Variants in BMX observed in about 807,000 individuals in gnomAD.
The protein encoded by BMX is BMX non-receptor tyrosine kinase, also known as cytoplasmic tyrosine-protein kinase BMX.
In BMX, 31 loss-of-function variants were observed where a neutral mutation model predicts 59.2. The ratio of observed to expected loss-of-function variants is 0.52; its 90% confidence interval spans 0.39 to 0.71. The LOEUF (loss-of-function observed/expected upper bound fraction) is 0.71, where lower values mean the gene tolerates loss of function less well. Among genes scored for constraint, BMX ranks in the 30% least tolerant of loss-of-function variants. BMX has a pLI of 0.00. For missense variants in BMX, 474 were observed against 491.7 expected (o/e 0.96, Z 0.34); for synonymous variants, 185 against 181.0 (o/e 1.02, Z -0.18).
chrX:15,510,545 A>G (rs1427847789), intron 3 of BMX, among the ~76,000 whole-genome samples: 1 of 110,897 alleles, frequency 9.0e-6, no homozygotes, highest in East Asian at 2.8e-4. Flanking sequence ...AAATTACCCA[A>G]TTGGGGGAAA....
At chrX:15,542,267 C>A in intron 15 of BMX, 69 bp downstream of exon 15, 2 of 1,038,996 alleles carry the variant, frequency 1.9e-6, no homozygotes, top group Admixed American at 2.2e-5. Flanking sequence ...GAGATGGGGT[C>A]ACTGGTAGGG....
At chrX:15,545,635 C>T (rs1569230477) in intron 16 of BMX, among the ~76,000 whole-genome samples, 1 of 111,968 alleles carries the variant, frequency 8.9e-6, no homozygotes, top group East Asian at 2.8e-4. Flanking sequence ...GAGATCATAT[C>T]AGGAAGCTGT....
At chrX:15,535,494 G>A (rs1405219050) in intron 12 of BMX, among the ~76,000 whole-genome samples, 2 of 111,881 alleles carry the variant, frequency 1.8e-5, no homozygotes, top group East Asian at 5.6e-4. Flanking sequence ...ATTGCACAAA[G>A]AGATGCACAG....
chrX:15,509,613 G>GAGGGA (rs1923872589), intron 3 of BMX, among the ~76,000 whole-genome samples, 180 bp downstream of exon 3: 1 of 111,073 alleles, frequency 9.0e-6, no homozygotes, highest in African/African-American at 3.3e-5. Flanking sequence ...GCCTTCCCTG[G>GAGGGA]AGGGAAGGGA....
chrX:15,502,958 C>T (rs927975475), intron 1 of BMX, among the ~76,000 whole-genome samples: 10 of 111,498 alleles, frequency 9.0e-5, no homozygotes, highest in African/African-American at 3.3e-4. Flanking sequence ...GCCCTCCCAC[C>T]ACATGTATTA....
chrX:15,538,133 T>C (rs1457501008), intron 14 of BMX, among the ~76,000 whole-genome samples: 1 of 107,341 alleles, frequency 9.3e-6, no homozygotes, highest in African/African-American at 3.4e-5. Flanking sequence ...CTCTGTGTCT[T>C]CTCTCTCTCT....
intron 1 of BMX, chrX:15,507,444 A>T: frequency 4.9e-6 from 3 of 611,762 alleles, no homozygotes; most frequent in Non-Finnish European, 5.9e-6. Context: ...ATAAAGAAAG[A>T]TTTTAACTAT....
At chrX:15,509,562 A>C in intron 3 of BMX, 129 bp downstream of exon 3, 6 of 466,299 alleles carry the variant, frequency 1.3e-5, no homozygotes, top group Non-Finnish European at 1.7e-5. Flanking sequence ...ATATTCCCAC[A>C]TGGGAGTTGG....
intron 3 of BMX, 100 bp from the exon 4 acceptor site, chrX:15,511,337 C>T: frequency 1.6e-6 from 1 of 641,589 alleles, no homozygotes; most frequent in South Asian, 2.9e-5. Context: ...ACTGTATAAG[C>T]AAACTCAAGG....
chrX:15,541,438 T>C (rs1352110456), intron 14 of BMX, among the ~76,000 whole-genome samples: 1 of 111,820 alleles, frequency 8.9e-6, no homozygotes, highest in Non-Finnish European at 1.9e-5. Context: ...ATATGGTTAG[T>C]ATTTTATAAA....
intron 6 of BMX, among the ~76,000 whole-genome samples, chrX:15,518,692 G>T (rs777900815): frequency 2.7e-5 from 3 of 111,048 alleles, no homozygotes; most frequent in East Asian, 2.8e-4. Context: ...ATTTTGGGGG[G>T]GCTGAGATTC....
intron 4 of BMX, 73 bp downstream of exon 4, chrX:15,511,591 T>C: frequency 1.1e-6 from 1 of 871,760 alleles, no homozygotes; most frequent in Non-Finnish European, 1.6e-6. Flanking sequence ...TTTTGAGGCT[T>C]GGTGGAGGAA....
Position 15,549,134 on chromosome X carries a change from A to AC in BMX, c.1796-704dup, listed in dbSNP as rs772536005. On this transcript the variant is annotated intron_variant, in intron 17 of 18. Transcript: ENST00000348343. ...ACTGATCCCAAATGCCATCCTCCTG[A>AC]CCACCATGACCAGAACCGAGATTTC... 4.5e-5 allele frequency among the ~76,000 whole-genome samples: 5 copies of AC among 111,149 alleles called. No homozygotes were observed. In the South Asian group the frequency reaches 2.0e-3, roughly 44 times the overall value.
At chrX:15,541,925 A>G (rs1443169999) in intron 14 of BMX, 57 bp from the exon 15 acceptor site, 1 of 1,039,108 alleles carries the variant, frequency 9.6e-7, no homozygotes, top group Non-Finnish European at 1.3e-6. Flanking sequence ...ACTCTTTTTC[A>G]GTACATGTAG....
chrX:15,543,285 A>AT, intron 16 of BMX, 150 bp downstream of exon 16: 1 of 413,845 alleles, frequency 2.4e-6, no homozygotes, highest in Non-Finnish European at 4.1e-6. Context: ...TGTTCTTCAG[A>AT]AATTATCTGA....
chrX:15,520,574 T>C lies in BMX; in HGVS notation c.511-1772T>C, dbSNP rs755994575. Among the ~76,000 whole-genome samples, 24 of 112,129 alleles carry C rather than the reference T, an allele frequency of 2.1e-4. No individual in the cohort carries two copies. The Admixed American group carries it at 2.2e-3, about 10-fold the overall frequency. On this transcript the variant is annotated intron_variant, in intron 6 of 18. Coordinates refer to ENST00000348343, the MANE Select transcript of BMX (RefSeq NM_203281.3). ...AAGATAATTAAGAGCCAGAAACCATTGCATCTAGTCTCCAGCAGGGAACTT... is the reference window on the plus strand; with the variant it reads ...AAGATAATTAAGAGCCAGAAACCATCGCATCTAGTCTCCAGCAGGGAACTT...
At chrX:15,540,406 G>T (rs1477459026) in intron 14 of BMX, among the ~76,000 whole-genome samples, 2 of 103,070 alleles carry the variant, frequency 1.9e-5, no homozygotes, top group Non-Finnish European at 3.9e-5. Flanking sequence ...ACAGGGAGGG[G>T]AACATCACAC....
chrX:15,533,872 T>C (rs1434113128), intron 11 of BMX, among the ~76,000 whole-genome samples: 1 of 111,277 alleles, frequency 9.0e-6, no homozygotes, highest in Non-Finnish European at 1.9e-5. Flanking sequence ...AGAATAATGA[T>C]CCTGAAGAAC....
intron 1 of BMX, among the ~76,000 whole-genome samples, chrX:15,506,426 T>C (rs1030173121): frequency 8.9e-6 from 1 of 112,353 alleles, no homozygotes; most frequent in Non-Finnish European, 1.9e-5. Context: ...GCTGTGGATA[T>C]AAAAAATTGA....
Sources: allele counts gnomAD v4.1 joint callset (sites outside exome capture counted in the v4.1 genomes callset), GRCh38; gene constraint gnomAD v4.1.1; transcripts MANE v1.5; gene names NCBI Gene and HGNC (gene_info 2026-07-23, HGNC 2026-07-21).